The following NPEPPS variants were observed in gnomAD, a reference collection of about 807,000 sequenced individuals.
NPEPPS encodes aminopeptidase puromycin sensitive.
In NPEPPS, 14 loss-of-function variants were observed where a neutral mutation model predicts 115.5. The observed-to-expected ratio is 0.12, with a 90% CI of 0.08 to 0.19. The LOEUF (loss-of-function observed/expected upper bound fraction) is 0.19. Ranked by LOEUF, NPEPPS falls within the 10% of genes least tolerant of loss-of-function variation. NPEPPS has a pLI of 1.00. For missense variants in NPEPPS, 523 were observed against 1,110.8 expected, an observed-to-expected ratio of 0.47 and a Z score of 7.52; for synonymous variants, 285 against 390.6, an observed-to-expected ratio of 0.73 and a Z score of 3.19.
intron 17 of NPEPPS, among the ~76,000 whole-genome samples, chr17:47,610,598 G>A (rs1159379347): frequency 6.6e-6 from 1 of 151,826 alleles, no homozygotes; most frequent in Non-Finnish European, 1.5e-5. Flanking sequence ...TGGCCAGGAT[G>A]GTCTCGAGCT....
chr17:47,548,709 T>C (rs948776290), intron 2 of NPEPPS, among the ~76,000 whole-genome samples: 1 of 150,814 alleles, frequency 6.6e-6, no homozygotes, highest in Non-Finnish European at 1.5e-5. Flanking sequence ...CCTGAGTAGC[T>C]GGGATTACAG....
At chr17:47,600,851 C>T (rs1180900135) in intron 14 of NPEPPS, among the ~76,000 whole-genome samples, 2 of 152,148 alleles carry the variant, frequency 1.3e-5, no homozygotes, top group African/African-American at 2.4e-5. Context: ...CTGTCTATCA[C>T]AACAATAAAA....
At chr17:47,571,338 A>G (rs1911177818) in intron 3 of NPEPPS, among the ~76,000 whole-genome samples, 1 of 152,168 alleles carries the variant, frequency 6.6e-6, no homozygotes, top group Non-Finnish European at 1.5e-5. Context: ...TTGAATTAAT[A>G]TAAAATTATT....
At chr17:47,534,730 A>G (rs1295936743) in intron 1 of NPEPPS, among the ~76,000 whole-genome samples, 1 of 151,318 alleles carries the variant, frequency 6.6e-6, no homozygotes, top group Non-Finnish European at 1.5e-5. Context: ...CATCACGCCC[A>G]ACTAATTTTT....
intron 5 of NPEPPS, 62 bp downstream of exon 5, chr17:47,582,911 G>C (rs1911970923): frequency 1.7e-6 from 1 of 593,768 alleles, no homozygotes; most frequent in African/African-American, 1.9e-5. Flanking sequence ...TTAGTTTGCT[G>C]ATTAGATGGG....
At position 47,531,543 on chromosome 17, in the gene NPEPPS, G is replaced by A; in HGVS notation, c.243G>A (p.Glu81=). Residue 81 remains glutamate (E), a synonymous_variant, in exon 1 of 23, where the codon GAG becomes GAA. Transcript: ENST00000322157. ...ACTTCACCTTCGAGGGCAAGCTGGA[G>A]GCCGCCGCCCAGGTACAGCGACCCT... ...LLDFTFEGKL[E]AAAQVRQATN... The A allele has an allele frequency of 1.2e-6, 2 of 1,605,884 alleles. No individual in the cohort carries two copies. Among genetic ancestry groups the A allele is most frequent in the South Asian group, 1.1e-5 (1 of 90,146 alleles).
intron 2 of NPEPPS, among the ~76,000 whole-genome samples, chr17:47,558,437 C>CT (rs955475190): frequency 3.6e-4 from 51 of 141,780 alleles, no homozygotes; most frequent in Admixed American, 5.0e-4. Context: ...CCATCCCCCA[C>CT]TTTTTTTTTT....
chr17:47,584,723 G>A (rs565014321), intron 5 of NPEPPS, among the ~76,000 whole-genome samples: 58 of 152,262 alleles, frequency 3.8e-4, no homozygotes, highest in African/African-American at 1.3e-3. Context: ...GACTCCAAAG[G>A]TAAAGTTGAA....
chr17:47,600,079 A>G (rs920554658), intron 14 of NPEPPS, among the ~76,000 whole-genome samples: 1 of 152,036 alleles, frequency 6.6e-6, no homozygotes, highest in African/African-American at 2.4e-5. Flanking sequence ...CAGCCTCCCA[A>G]AGTGTTGGTA....
chr17:47,574,457 C>T (rs1911384394), intron 3 of NPEPPS, among the ~76,000 whole-genome samples: 1 of 152,060 alleles, frequency 6.6e-6, no homozygotes, highest in South Asian at 2.1e-4. Context: ...TGCTAGAATT[C>T]ACCAGGGAAG....
intron 17 of NPEPPS, among the ~76,000 whole-genome samples, chr17:47,610,625 G>C (rs898310267): frequency 4.0e-5 from 6 of 151,652 alleles, no homozygotes; most frequent in South Asian, 2.1e-4. Context: ...CTCGTGATCT[G>C]CCTGCCTCAG....
At chr17:47,536,704 CT>C (rs572115219) in intron 1 of NPEPPS, among the ~76,000 whole-genome samples, 2,421 of 76,608 alleles carry the variant, frequency 0.032, 21 homozygotes, top group African/African-American at 0.088. Flanking sequence ...TGCCTGGCTT[CT>C]TTTTTTTTTT....
intron 2 of NPEPPS, among the ~76,000 whole-genome samples, chr17:47,547,547 G>A (rs10432035): frequency 6.6e-6 from 1 of 151,460 alleles, no homozygotes; most frequent in African/African-American, 2.4e-5. Flanking sequence ...GATATGGGGG[G>A]GTGGTCTTCC....
intron 2 of NPEPPS, among the ~76,000 whole-genome samples, chr17:47,563,081 G>C (rs1168773822): frequency 6.6e-6 from 1 of 151,314 alleles, no homozygotes; most frequent in African/African-American, 2.4e-5. Flanking sequence ...AGCCAGGCTG[G>C]AGTGCAGTGG....
intron 1 of NPEPPS, among the ~76,000 whole-genome samples, chr17:47,537,599 A>G (rs1431198022): frequency 1.3e-5 from 2 of 152,072 alleles, no homozygotes; most frequent in Non-Finnish European, 2.9e-5. Flanking sequence ...AAGCTGAGAC[A>G]GGAGAATTGC....
At chr17:47,619,971 A>G (rs1030307913) in intron 22 of NPEPPS, 187 bp downstream of exon 22, 5 of 501,826 alleles carry the variant, frequency 1.0e-5, no homozygotes, top group Admixed American at 3.4e-5. Flanking sequence ...GGTAGCTCAC[A>G]TCTGTAATCT....
intron 2 of NPEPPS, among the ~76,000 whole-genome samples, chr17:47,565,775 G>A (rs1229937845): frequency 6.6e-6 from 1 of 151,638 alleles, no homozygotes; most frequent in Non-Finnish European, 1.5e-5. Flanking sequence ...AGCCAAGATG[G>A]CAGCACTGTA....
chr17:47,553,686 C>G (rs1301960776), intron 2 of NPEPPS, among the ~76,000 whole-genome samples: 2 of 150,988 alleles, frequency 1.3e-5, no homozygotes, highest in Non-Finnish European at 2.9e-5. Flanking sequence ...TTAACAAAAG[C>G]TAATAAAAAA....
At chr17:47,557,067 T>C (rs1284131402) in intron 2 of NPEPPS, among the ~76,000 whole-genome samples, 1 of 152,210 alleles carries the variant, frequency 6.6e-6, no homozygotes, top group Non-Finnish European at 1.5e-5. Context: ...TTCCTTTGGG[T>C]TTACTTTGCA....
Sources: allele counts gnomAD v4.1 joint callset (sites outside exome capture counted in the v4.1 genomes callset), GRCh38; gene constraint gnomAD v4.1.1; transcripts MANE v1.5; gene names NCBI Gene and HGNC (gene_info 2026-07-23, HGNC 2026-07-21).